The following GNL2 variants were observed in gnomAD, a reference collection of about 807,000 sequenced individuals.
The protein encoded by GNL2 is G protein nucleolar 2.
In GNL2, 51 loss-of-function variants were observed where a neutral mutation model predicts 92.3. The observed-to-expected ratio is 0.55, with a 90% CI of 0.44 to 0.70. The LOEUF (loss-of-function observed/expected upper bound fraction) is 0.70, where lower values mean the gene tolerates loss of function less well. GNL2 is among the 30% of genes least tolerant of loss of function. The pLI is 0.00. For synonymous variants in GNL2, 283 were observed against 300.6 expected (o/e 0.94, Z 0.61); for missense variants, 844 against 895.6 (o/e 0.94, Z 0.74).
rs566194939 is a variant in GNL2, at chr1:37,595,230, T to C, written c.64+529A>G. Among the ~76,000 whole-genome samples, 42 of 152,350 alleles carry C rather than the reference T, an allele frequency of 2.8e-4. No individual in the cohort carries two copies. In the South Asian group the frequency reaches 3.9e-3, roughly 14 times the overall value. On this transcript the variant is annotated intron_variant, in intron 1 of 15. Transcript: ENST00000373062. ...TAGGATGTCTTGTTAATCGTACAGG[T>C]GGAACCTCGCCAAAACTTACACACA...
chr1:37,570,789 G>A (rs1396142337), intron 12 of GNL2: 2 of 152,176 alleles, frequency 1.3e-5, no homozygotes, highest in Non-Finnish European at 2.9e-5. Flanking sequence ...GGTAAGGAGG[G>A]GGAATTCTGT....
intron 8 of GNL2, among the ~76,000 whole-genome samples, chr1:37,576,991 A>T (rs1228878010): frequency 6.6e-6 from 1 of 152,166 alleles, no homozygotes; most frequent in Non-Finnish European, 1.5e-5. Context: ...GCAAGCCTGT[A>T]ATCCCAGCTA....
chr1:37,589,622 G>A lies in GNL2; in HGVS notation c.384+1084C>T, dbSNP rs368843027. 7.6e-4 allele frequency among the ~76,000 whole-genome samples: 116 copies of A among 152,206 alleles called. 2 individuals are homozygous for A. The South Asian group carries it at 0.022, about 29-fold the overall frequency. On this transcript the variant is annotated intron_variant, in intron 4 of 15. Coordinates refer to ENST00000373062, the MANE Select transcript of GNL2 (RefSeq NM_013285.3). Reference sequence around the variant, plus strand: ...GCCCAGCCTGAACTATTTAACCCACGTATGCATGTCAATGTTTTTCTCCCC... The same window carrying A: ...GCCCAGCCTGAACTATTTAACCCACATATGCATGTCAATGTTTTTCTCCCC...
chr1:37,590,583 G>T, intron 4 of GNL2, 123 bp downstream of exon 4: 2 of 770,390 alleles, frequency 2.6e-6, no homozygotes, highest in South Asian at 3.2e-5. Flanking sequence ...GTCTTAGAAA[G>T]TTCATCATTG....
chr1:37,586,699 T>C (rs1643855029), intron 5 of GNL2, among the ~76,000 whole-genome samples: 1 of 152,200 alleles, frequency 6.6e-6, no homozygotes, highest in African/African-American at 2.4e-5. Flanking sequence ...TGTTGTATTT[T>C]CCAACTTAAC....
chr1:37,579,765 G>A (rs1288665181), intron 8 of GNL2, among the ~76,000 whole-genome samples: 6 of 140,096 alleles, frequency 4.3e-5, no homozygotes, highest in Admixed American at 7.2e-5. Flanking sequence ...GCGTTGTGGC[G>A]TGTGCCTGCA....
chr1:37,567,523 C>T, intron 15 of GNL2, 150 bp downstream of exon 15: 1 of 649,904 alleles, frequency 1.5e-6, no homozygotes, highest in African/African-American at 1.8e-5. Flanking sequence ...ATCTAGTGGG[C>T]CAGACCCGAC....
Position 37,593,749 on chromosome 1 carries a change from A to G in GNL2, c.149+13T>C, listed in dbSNP as rs745978942. 3.1e-6 allele frequency: 5 copies of G among 1,591,810 alleles called. No homozygotes were observed. The highest frequency in any genetic ancestry group is 4.3e-6 in the Non-Finnish European group (5 of 1,159,894). ...GAAGGAAAAGAGAAAGGATGACAGC[A>G]CCCAGTGCTCACCTGCGCTCCTTTT... On this transcript the variant is annotated intron_variant, in intron 2 of 15. Transcript: ENST00000373062.
At chr1:37,585,550 C>G (rs1168899533) in intron 5 of GNL2, among the ~76,000 whole-genome samples, 1 of 152,186 alleles carries the variant, frequency 6.6e-6, no homozygotes, top group East Asian at 1.9e-4. Flanking sequence ...TTACTAGTCT[C>G]TAGGACATTT....
rs1643905316 is a variant in GNL2 at position 37,593,908 on chromosome 1, A to G, written c.65-62T>C. 6 of 1,207,562 alleles carry G rather than the reference A, an allele frequency of 5.0e-6. No homozygotes were observed. In the South Asian group the frequency reaches 5.2e-5, roughly 10 times the overall value. 74.8% of individuals were successfully genotyped at this position (1,207,562 alleles called of 1,614,324 possible). ...AACCAACCAGTATAACCAACAAGTCATTGCTTAAAATGCAACAAGTAGTTC... is the reference window on the plus strand; with the variant it reads ...AACCAACCAGTATAACCAACAAGTCGTTGCTTAAAATGCAACAAGTAGTTC... On this transcript the variant is annotated intron_variant, in intron 1 of 15. Transcript: ENST00000373062.
intron 8 of GNL2, among the ~76,000 whole-genome samples, chr1:37,580,819 C>T (rs1173320193): frequency 6.6e-6 from 1 of 152,190 alleles, no homozygotes; most frequent in Non-Finnish European, 1.5e-5. Context: ...AAAATAAAAG[C>T]TTCGATCAGA....
At chr1:37,572,530 T>C (rs1383852763) in intron 12 of GNL2, among the ~76,000 whole-genome samples, 4 of 152,162 alleles carry the variant, frequency 2.6e-5, no homozygotes, top group East Asian at 1.9e-4. Flanking sequence ...GTCTATGTAA[T>C]GAAACCTCCA....
Position 37,575,625 on chromosome 1 carries a change from G to A in GNL2, c.1113C>T (p.Asp371=). 1 of 1,593,872 alleles carries A rather than the reference G, an allele frequency of 6.3e-7. No homozygotes were observed. Among genetic ancestry groups the A allele is most frequent in the Non-Finnish European group, 8.5e-7 (1 of 1,172,888 alleles). Residue 371 remains aspartate, a synonymous_variant, in exon 10 of 16, where the codon GAC becomes GAT. Transcript: ENST00000373062. The surrounding 1 kb of genome is among the most constrained non-coding windows in gnomAD (Gnocchi z 4.1). ...DCPGVVYPSE[D]SETDIVLKGV... ...CTTTTAGCACAATGTCTGTCTCGGA[G>A]TCCTCAGAGGGGTAAACCACACCTG...
rs768143968 is a variant in GNL2 at position 37,575,153 on chromosome 1, T to C, written c.1144-330A>G. 2.0e-5 allele frequency among the ~76,000 whole-genome samples: 3 copies of C among 152,058 alleles called. No homozygotes were observed. Among genetic ancestry groups the C allele is most frequent in the Non-Finnish European group, 4.4e-5 (3 of 68,014 alleles). ...TGCCCATCCCAGGACACAAAAATAA[T>C]GGAATAGTTTAAGAAAGGAGAGGAG... On this transcript the variant is annotated intron_variant, in intron 10 of 15. Transcript: ENST00000373062. This position sits in a 1 kb window ranked among gnomAD's most constrained non-coding sequence, Gnocchi z 4.1.
At chr1:37,578,347 G>A (rs975488173) in intron 8 of GNL2, among the ~76,000 whole-genome samples, 1 of 151,714 alleles carries the variant, frequency 6.6e-6, no homozygotes, top group Middle Eastern at 3.4e-3. Context: ...GCTGAAGCAG[G>A]AGAATTGCTT....
intron 8 of GNL2, among the ~76,000 whole-genome samples, chr1:37,577,265 C>T (rs35106993): frequency 0.014 from 2,180 of 152,248 alleles, 26 homozygotes; most frequent in South Asian, 0.058. Flanking sequence ...TTGCATAATA[C>T]ATCTGCATTT....
chr1:37,573,895 A>T (rs965212330), intron 12 of GNL2, among the ~76,000 whole-genome samples: 28 of 151,774 alleles, frequency 1.8e-4, no homozygotes, highest in South Asian at 4.2e-4. Flanking sequence ...CCTCAAAAAA[A>T]TTTTTTTTTA....
At chr1:37,567,073 C>A in intron 15 of GNL2, 66 bp from the exon 16 acceptor site, 1 of 1,507,222 alleles carries the variant, frequency 6.6e-7, no homozygotes, top group South Asian at 1.2e-5. Flanking sequence ...ATTCACAAAA[C>A]AGGAGTCTCT....
At chr1:37,576,306 G>A (rs555160872) in intron 9 of GNL2, 122 bp downstream of exon 9, 12 of 843,956 alleles carry the variant, frequency 1.4e-5, no homozygotes, top group African/African-American at 6.8e-5. Context: ...ATTATATGGT[G>A]AGCTAAACTC....
Sources: allele counts gnomAD v4.1 joint callset (sites outside exome capture counted in the v4.1 genomes callset), GRCh38; gene constraint gnomAD v4.1.1; non-coding constraint Gnocchi (gnomAD v3.1); transcripts MANE v1.5; gene names NCBI Gene and HGNC (gene_info 2026-07-23, HGNC 2026-07-21).